The following FLNB variants were observed in gnomAD, a reference collection of about 807,000 sequenced individuals.
FLNB encodes the protein filamin B.
In FLNB, 111 loss-of-function variants were observed where a neutral mutation model predicts 250.6. That is an observed-to-expected ratio of 0.44 (90% CI 0.38 to 0.52). The LOEUF (loss-of-function observed/expected upper bound fraction) is 0.52, where lower values mean the gene tolerates loss of function less well. Among genes scored for constraint, FLNB ranks in the 20% least tolerant of loss-of-function variants. The pLI is 0.00. For synonymous variants in FLNB, 1,302 were observed against 1,372.1 expected, an observed-to-expected ratio of 0.95 and a Z score of 1.13; for missense variants, 2,869 against 3,447.8, an observed-to-expected ratio of 0.83 and a Z score of 4.20.
chr3:58,019,166 AG>A (rs1179521178), intron 1 of FLNB, among the ~76,000 whole-genome samples: 1 of 152,264 alleles, frequency 6.6e-6, no homozygotes, highest in Admixed American at 6.5e-5. Context: ...TGTCACAATT[AG>A]TTATAAATTA....
At position 58,126,569 on chromosome 3, in the gene FLNB, T is replaced by C. The variant is rs200284433; in HGVS notation, c.4062-33T>C. 3 of 1,610,208 alleles carry C rather than the reference T, an allele frequency of 1.9e-6. No homozygotes were observed. The East Asian group carries it at 6.7e-5, about 36-fold the overall frequency. ...TAAGCAGACCAGCATAAATAAATGG[T>C]GCACATTTCACTTTCTTTTCCACTC... On this transcript the variant is annotated intron_variant, in intron 23 of 45. Transcript: ENST00000295956.
At chr3:58,015,715 T>C (rs1040198070) in intron 1 of FLNB, among the ~76,000 whole-genome samples, 1 of 152,092 alleles carries the variant, frequency 6.6e-6, no homozygotes, top group African/African-American at 2.4e-5. Context: ...TAGGCTGGGA[T>C]TCTGCGTTTC....
rs968400677 is a variant in FLNB, at chr3:58,126,714, C to A, written c.4174C>A (p.Pro1392Thr). Residue 1392 changes from proline (P) to threonine (T), a missense_variant, in exon 24 of 46, where the codon CCG (proline) becomes ACG (threonine). Around this residue, in one of 5 missense-constraint regions of FLNB, gnomAD observed 1,348 missense variants for 1,466.7 expected, o/e 0.92. Coordinates refer to ENST00000295956, the MANE Select transcript of FLNB (RefSeq NM_001457.4). ...SCSAEYIPFA[P>T]GDYDVNITYG... ...CAGTGCTGAGTACATTCCTTTCGCA[C>A]CGGGGGATTACGATGTTAATATCAC... 1.9e-6 allele frequency: 3 copies of A among 1,613,766 alleles called. No individual in the cohort carries two copies. Among genetic ancestry groups the A allele is most frequent in the Non-Finnish European group, 2.5e-6 (3 of 1,179,870 alleles).
intron 8 of FLNB, among the ~76,000 whole-genome samples, chr3:58,101,843 G>C (rs1377055518): frequency 1.3e-5 from 2 of 152,196 alleles, no homozygotes; most frequent in African/African-American, 4.8e-5. Flanking sequence ...CAATTACTGA[G>C]CCCTTGAGTA....
At chr3:58,143,197 A>T (rs1438999691) in intron 31 of FLNB, among the ~76,000 whole-genome samples, 1 of 151,488 alleles carries the variant, frequency 6.6e-6, no homozygotes, top group African/African-American at 2.4e-5. Context: ...AGCTGGTTTC[A>T]TGGTGTTCTC....
intron 11 of FLNB, among the ~76,000 whole-genome samples, 156 bp from the exon 12 acceptor site, chr3:58,106,524 T>G (rs543134677): frequency 2.1e-4 from 32 of 151,546 alleles, no homozygotes; most frequent in African/African-American, 5.8e-4. Context: ...ACTGAAGACT[T>G]AATGAGCTTG....
intron 1 of FLNB, among the ~76,000 whole-genome samples, chr3:58,065,562 T>C (rs914571821): frequency 1.3e-5 from 2 of 152,154 alleles, no homozygotes; most frequent in African/African-American, 4.8e-5. Flanking sequence ...ATTGTGAGGA[T>C]TGCACAAGGT....
Position 58,143,590 on chromosome 3 carries a change from A to T in FLNB, c.5402A>T (p.Lys1801Ile). The change falls in exon 32 of 46, where the codon AAA (lysine) becomes ATA (isoleucine). Residue 1801 changes from lysine to isoleucine, a missense_variant. By Grantham distance (102) the Lys-to-Ile change is moderately radical. This residue lies in a region of FLNB where 1,084 missense variants were observed against 1,315.5 expected (regional missense o/e 0.82). Coordinates refer to ENST00000295956, the MANE Select transcript of FLNB (RefSeq NM_001457.4). ...GTCGGGCTCCATGAGATGCACATCA[A>T]ATACATGGGCAGCCACATCCCTGGT... Reference protein sequence around the residue: ...TEVGLHEMHIKYMGSHIPESP... With the variant: ...TEVGLHEMHIIYMGSHIPESP... 6.2e-7 allele frequency: 1 copy of T among 1,614,118 alleles called. No homozygotes were observed. Among genetic ancestry groups the T allele is most frequent in the South Asian group, 1.1e-5 (1 of 91,078 alleles).
intron 27 of FLNB, among the ~76,000 whole-genome samples, chr3:58,135,474 C>G (rs2097314409): frequency 6.6e-6 from 1 of 152,232 alleles, no homozygotes; most frequent in South Asian, 2.1e-4. Flanking sequence ...AAGGGGTCCT[C>G]CCAGCTCAGT....
intron 1 of FLNB, among the ~76,000 whole-genome samples, chr3:58,068,034 C>T (rs1041950884): frequency 1.3e-5 from 2 of 152,232 alleles, no homozygotes; most frequent in Non-Finnish European, 2.9e-5. Flanking sequence ...AGCCAGGTGA[C>T]TGCGCTGTCT....
rs141178212 is a variant in FLNB, at chr3:58,104,749, A to G, written c.1611-331A>G. Among the ~76,000 whole-genome samples the G allele has an allele frequency of 1.2e-4, 18 of 152,300 alleles. No individual in the cohort carries two copies. The East Asian group carries it at 3.5e-3, about 29-fold the overall frequency. ...TCTGGTTATAGCATAAGCAGGATAT[A>G]GTGTGTGGACTCTCTCACTTTCCAG... On this transcript the variant is annotated intron_variant, in intron 10 of 45. Transcript: ENST00000295956.
At chr3:58,056,454 C>T (rs573252975) in intron 1 of FLNB, among the ~76,000 whole-genome samples, 1 of 152,078 alleles carries the variant, frequency 6.6e-6, no homozygotes, top group African/African-American at 2.4e-5. Flanking sequence ...ATATCAAATA[C>T]AATGAAACAC....
intron 4 of FLNB, among the ~76,000 whole-genome samples, chr3:58,086,016 TAG>T (rs1307321609): frequency 6.6e-6 from 1 of 152,180 alleles, no homozygotes; most frequent in Non-Finnish European, 1.5e-5. Flanking sequence ...CGTTTTCAGA[TAG>T]AGTCTCACTC....
In FLNB at chr3:58,082,607, C is replaced by T. The variant is rs564020362; in HGVS notation, c.787+831C>T. On this transcript the variant is annotated intron_variant, in intron 4 of 45. Coordinates refer to ENST00000295956, the MANE Select transcript of FLNB (RefSeq NM_001457.4). ...CCAACATGGTGAAACCCTGTCTCTA[C>T]AAAAAATACAAAAATTAGCCAGGCA... 8.6e-5 allele frequency among the ~76,000 whole-genome samples: 13 copies of T among 152,024 alleles called. No individual in the cohort carries two copies. The South Asian group carries it at 2.7e-3, about 32-fold the overall frequency.
intron 24 of FLNB, among the ~76,000 whole-genome samples, chr3:58,127,337 A>G (rs553339074): frequency 2.6e-5 from 4 of 151,862 alleles, no homozygotes; most frequent in South Asian, 4.2e-4. Flanking sequence ...AAAAAAAAAA[A>G]AAAGAAAAAG....
In FLNB at chr3:58,146,998, G is replaced by GT. The variant is rs1233413464; in HGVS notation, c.5728+5_5728+6insT. On this transcript the variant is annotated splice_donor_region_variant and intron_variant, in intron 34 of 45. Transcript: ENST00000295956. Reference sequence around the variant, plus strand: ...CCTTCACAGCCAAGATCACAGGTAGGGTTGTCTGGCTTCTGGGGTCTTCCT... The same window carrying GT: ...CCTTCACAGCCAAGATCACAGGTAGGTGTTGTCTGGCTTCTGGGGTCTTCCT... 6.2e-7 allele frequency: 1 copy of GT among 1,613,530 alleles called. No individual in the cohort carries two copies. Among genetic ancestry groups the GT allele is most frequent in the African/African-American group, 1.3e-5 (1 of 74,916 alleles).
intron 6 of FLNB, 102 bp downstream of exon 6, chr3:58,096,320 TC>T (rs2097238501): frequency 1.2e-6 from 1 of 861,160 alleles, no homozygotes; most frequent in Non-Finnish European, 1.9e-6. Context: ...TTTCTGATTT[TC>T]CTTTCTGATT....
At chr3:58,109,124 T>G in intron 13 of FLNB, 55 bp from the exon 14 acceptor site, 2 of 1,612,960 alleles carry the variant, frequency 1.2e-6, no homozygotes, top group Non-Finnish European at 1.7e-6. Context: ...AGTGACCCTG[T>G]CTGATAGAGA....
chr3:58,138,584 T>C (rs2097320646), intron 29 of FLNB, 55 bp downstream of exon 29: 4 of 1,608,078 alleles, frequency 2.5e-6, no homozygotes, highest in Middle Eastern at 1.7e-4. Flanking sequence ...CTGTAACAGC[T>C]GCCGTTTGTT....
Sources: allele counts gnomAD v4.1 joint callset (sites outside exome capture counted in the v4.1 genomes callset), GRCh38; gene constraint gnomAD v4.1.1; regional missense constraint gnomAD v4.1.1; transcripts MANE v1.5; gene names NCBI Gene and HGNC (gene_info 2026-07-23, HGNC 2026-07-21).